Variants in EYS observed in about 807,000 individuals in gnomAD.
The protein encoded by EYS is EGF-like photoreceptor maintenance factor, also known as protein eyes shut homolog.
In EYS, 250 loss-of-function variants were observed where a neutral mutation model predicts 282.1. The ratio of observed to expected loss-of-function variants is 0.89; its 90% confidence interval spans 0.80 to 0.98. EYS has a LOEUF of 0.98. Among genes scored for constraint, EYS ranks in the 50% least tolerant of loss-of-function variants. The pLI, the probability that EYS is intolerant of heterozygous loss-of-function variation, is 0.00. For synonymous variants in EYS, 1,355 were observed against 1,282.9 expected (o/e 1.06, Z -1.20); for missense variants, 4,016 against 3,709.0 (o/e 1.08, Z -2.15).
At chr6:64,865,734 C>T (rs1464886535) in intron 19 of EYS, among the ~76,000 whole-genome samples, 6 of 151,948 alleles carry the variant, frequency 3.9e-5, no homozygotes, top group Admixed American at 3.3e-4. Context: ...AATGTAGAAA[C>T]ACAGATATCT....
At chr6:64,400,943 A>C (rs1773521718) in intron 28 of EYS, among the ~76,000 whole-genome samples, 1 of 152,054 alleles carries the variant, frequency 6.6e-6, no homozygotes, top group Admixed American at 6.6e-5. Context: ...GTATGGAAGA[A>C]AAATTTAGTG....
chr6:63,760,976 C>T (rs376991634), intron 41 of EYS, among the ~76,000 whole-genome samples: 103 of 151,628 alleles, frequency 6.8e-4, no homozygotes, highest in Middle Eastern at 3.4e-3. Flanking sequence ...CTGCCTTTCA[C>T]TAAGGAACTA....
At chr6:64,771,031 T>C (rs753988436) in intron 22 of EYS, among the ~76,000 whole-genome samples, 7 of 151,802 alleles carry the variant, frequency 4.6e-5, no homozygotes, top group Non-Finnish European at 8.8e-5. Flanking sequence ...TATTTAACAC[T>C]GATGAGCGCC....
At chr6:64,614,816 G>A (rs957033541) in intron 24 of EYS, among the ~76,000 whole-genome samples, 1 of 152,012 alleles carries the variant, frequency 6.6e-6, no homozygotes, top group Non-Finnish European at 1.5e-5. Flanking sequence ...AAAAGCAGAA[G>A]GGTTGTAGGG....
chr6:65,179,047 G>A (rs1451273366), intron 12 of EYS, among the ~76,000 whole-genome samples: 1 of 152,048 alleles, frequency 6.6e-6, no homozygotes, highest in Non-Finnish European at 1.5e-5. Flanking sequence ...GAATCTCTGG[G>A]ACACATTCAA....
Position 64,757,742 on chromosome 6 carries a change from CTTTGTGTG to C in EYS, c.3443+55628_3443+55635del, listed in dbSNP as rs1242664323. Among the ~76,000 whole-genome samples, 238 of 63,918 alleles carry C rather than the reference CTTTGTGTG, an allele frequency of 3.7e-3. 1 individual carries two copies. Among genetic ancestry groups the C allele is most frequent in the Non-Finnish European group, 6.6e-3 (184 of 27,854 alleles). The allele number at this position is 63,918 out of a possible 152,430, so 41.9% of individuals were successfully genotyped here. ...AAAGATTAATTTTTTTTCTTTTTTT[CTTTGTGTG>C]TGTGTGTGTGTGTGTGTGTGTGTGT... On this transcript the variant is annotated intron_variant, in intron 22 of 42. Coordinates refer to ENST00000503581, the MANE Select transcript of EYS (RefSeq NM_001142800.2).
intron 12 of EYS, among the ~76,000 whole-genome samples, chr6:65,151,821 G>A (rs2150215686): frequency 6.6e-6 from 1 of 151,682 alleles, no homozygotes; most frequent in African/African-American, 2.4e-5. Context: ...TTAGATTATA[G>A]GAAGTCTAAT....
At chr6:65,372,517 C>G (rs1392406772) in intron 8 of EYS, among the ~76,000 whole-genome samples, 1 of 151,570 alleles carries the variant, frequency 6.6e-6, no homozygotes, top group Non-Finnish European at 1.5e-5. Context: ...TATTGGATGC[C>G]ATTTATTTAT....
chr6:64,982,608 T>C (rs1303010406), intron 14 of EYS, among the ~76,000 whole-genome samples: 1 of 151,214 alleles, frequency 6.6e-6, no homozygotes, highest in African/African-American at 2.4e-5. Flanking sequence ...GAATCAATTG[T>C]AATTGAGTCC....
Position 65,247,156 on chromosome 6 carries a change from C to T in EYS, c.2023+48707G>A, listed in dbSNP as rs142872690. 1.3e-4 allele frequency among the ~76,000 whole-genome samples: 20 copies of T among 152,140 alleles called. 1 individual carries two copies. The highest frequency in any genetic ancestry group is 3.4e-3 in the Middle Eastern group (1 of 294). On this transcript the variant is annotated intron_variant, in intron 12 of 42. Transcript: ENST00000503581. The stretch of plus-strand genomic sequence containing the variant: ...ACAGGGGCAAATGAATAAGCTGTAT[C>T]GGTCCATGATAATCATCTTTCTTAT...
intron 12 of EYS, among the ~76,000 whole-genome samples, chr6:65,102,112 T>A (rs7754766): frequency 0.038 from 5,718 of 151,422 alleles, 363 homozygotes; most frequent in African/African-American, 0.13. Flanking sequence ...AGCAAATTAC[T>A]TTGTGAGGCA....
chr6:64,309,722 T>G (rs988599628), intron 29 of EYS, among the ~76,000 whole-genome samples: 6 of 152,008 alleles, frequency 3.9e-5, no homozygotes, highest in African/African-American at 1.4e-4. Context: ...ATCCCAGCAC[T>G]TTGGGAGGCC....
Position 65,318,170 on chromosome 6 carries a change from G to T in EYS, c.1766+16810C>A, listed in dbSNP as rs546231348. On this transcript the variant is annotated intron_variant, in intron 11 of 42. Coordinates refer to ENST00000503581, the MANE Select transcript of EYS (RefSeq NM_001142800.2). Reference sequence around the variant, plus strand: ...GCGTGAGCCACCGCGCCCGGCTGGAGGCTCCATTTTTTTTTTTACCGTGCA... The same window carrying T: ...GCGTGAGCCACCGCGCCCGGCTGGATGCTCCATTTTTTTTTTTACCGTGCA... Among the ~76,000 whole-genome samples, 28 of 114,782 alleles carry T rather than the reference G, an allele frequency of 2.4e-4. No individual in the cohort carries two copies. In the Admixed American group the frequency reaches 2.6e-3, roughly 11 times the overall value. The allele number at this position is 114,782 out of a possible 152,430, so 75.3% of individuals were successfully genotyped here. A position where few individuals can be genotyped will look rare whatever the true frequency, so the allele number is the denominator to read the frequency against.
chr6:65,458,659 T>A (rs891189416), intron 5 of EYS, among the ~76,000 whole-genome samples: 1 of 152,180 alleles, frequency 6.6e-6, no homozygotes, highest in African/African-American at 2.4e-5. Flanking sequence ...AGGATTTACA[T>A]AATTTAATCA....
At chr6:64,630,530 C>T (rs1767744949) in intron 22 of EYS, among the ~76,000 whole-genome samples, 1 of 152,090 alleles carries the variant, frequency 6.6e-6, no homozygotes, top group Admixed American at 6.6e-5. Context: ...TTAAATGATA[C>T]ATGATATGAT....
At chr6:65,214,856 T>C (rs1180537252) in intron 12 of EYS, among the ~76,000 whole-genome samples, 1 of 152,134 alleles carries the variant, frequency 6.6e-6, no homozygotes, top group East Asian at 1.9e-4. Flanking sequence ...AAGAAATATG[T>C]TATTTCTACT....
chr6:63,788,291 C>T (rs758540645), intron 38 of EYS, 42 bp from the exon 39 acceptor site: 1 of 1,429,422 alleles, frequency 7.0e-7, no homozygotes, highest in South Asian at 1.4e-5. Flanking sequence ...GGAATTAATT[C>T]CCCAGGGTGA....
At chr6:65,340,469 GACTA>G (rs1052052356) in intron 10 of EYS, among the ~76,000 whole-genome samples, 13 of 151,118 alleles carry the variant, frequency 8.6e-5, no homozygotes, top group African/African-American at 2.9e-4. Flanking sequence ...GAAAAAGCAA[GACTA>G]ACTTACTATT....
At chr6:64,763,673 T>C (rs1490204946) in intron 22 of EYS, among the ~76,000 whole-genome samples, 1 of 152,090 alleles carries the variant, frequency 6.6e-6, no homozygotes, top group Non-Finnish European at 1.5e-5. Flanking sequence ...CTTATTCCAG[T>C]ATTAACTCAA....
Sources: allele counts gnomAD v4.1 joint callset (sites outside exome capture counted in the v4.1 genomes callset), GRCh38; gene constraint gnomAD v4.1.1; transcripts MANE v1.5; gene names NCBI Gene and HGNC (gene_info 2026-07-23, HGNC 2026-07-21).